RMI2: variants seen among roughly 807,000 people sequenced by gnomAD.
RMI2 encodes the protein recQ-mediated genome instability protein 2.
Under a neutral mutation model 8.4 loss-of-function variants are expected in RMI2, and 11 were observed. The observed-to-expected ratio is 1.32, with a 90% confidence interval of 0.83 to 2.18. The LOEUF is 2.18. RMI2 is among the 30% of genes most tolerant of loss of function. RMI2 has a pLI of 0.00. For missense variants in RMI2, 253 were observed against 207.5 expected, an observed-to-expected ratio of 1.22 and a Z score of -1.35; for synonymous variants, 105 against 93.8, an observed-to-expected ratio of 1.12 and a Z score of -0.69.
intron 1 of RMI2, among the ~76,000 whole-genome samples, chr16:11,346,481 G>C (rs574140760): frequency 6.6e-6 from 1 of 152,160 alleles, no homozygotes; most frequent in African/African-American, 2.4e-5. Flanking sequence ...GGCTGGTCTC[G>C]AACTCCTGGC....
rs1305746746 is a variant in RMI2, at chr16:11,349,664, TCC to T, written c.296-977_296-976del. The stretch of plus-strand genomic sequence containing the variant: ...TGGAGTTCTGAGATACTTGAGCACA[TCC>T]TGCCTGGGGTTGAACAGCAGGATCA... On this transcript the variant is annotated intron_variant, in intron 1 of 1. Transcript: ENST00000312499. This position sits in a 1 kb window ranked among gnomAD's most constrained non-coding sequence, Gnocchi z 4.2. 6.6e-6 allele frequency among the ~76,000 whole-genome samples: 1 copy of T among 152,164 alleles called. No homozygotes were observed. Among genetic ancestry groups the T allele is most frequent in the Non-Finnish European group, 1.5e-5 (1 of 68,034 alleles).
intron 1 of RMI2, among the ~76,000 whole-genome samples, chr16:11,346,882 C>T (rs766447448): frequency 2.0e-5 from 3 of 152,358 alleles, no homozygotes; most frequent in Non-Finnish European, 2.9e-5. Flanking sequence ...TGTACCACCA[C>T]GCCTGGTTTG....
intron 1 of RMI2, among the ~76,000 whole-genome samples, chr16:11,347,091 C>T (rs1429917102): frequency 2.0e-5 from 3 of 152,268 alleles, no homozygotes; most frequent in Non-Finnish European, 4.4e-5. Flanking sequence ...TGTTGTACAT[C>T]AGCCCCTCAT....
rs1337014447 is a variant in RMI2, at chr16:11,351,512, T to C, written c.*722T>C. 2 of 232,100 alleles carry C rather than the reference T, an allele frequency of 8.6e-6. No individual in the cohort carries two copies. The highest frequency in any genetic ancestry group is 1.7e-5 in the Non-Finnish European group (2 of 117,396). 14.4% of individuals were successfully genotyped at this position (232,100 alleles called of 1,614,324 possible). A position where few individuals can be genotyped will look rare whatever the true frequency, so the allele number is the denominator to read the frequency against. On this transcript the variant is annotated 3_prime_UTR_variant, in exon 2 of 2. Coordinates refer to ENST00000312499, the MANE Select transcript of RMI2 (RefSeq NM_152308.3). ...AAGATAAAGGACGCCTTTCAGGCAT[T>C]AGCTAAACTTCCACTTCATAACTTT...
chr16:11,345,517 CG>C lies in RMI2; in HGVS notation c.48del (p.Leu17PhefsTer48). The C allele has an allele frequency of 7.7e-7, 1 of 1,299,172 alleles. No homozygotes were observed. Among genetic ancestry groups the C allele is most frequent in the African/African-American group, 1.5e-5 (1 of 65,836 alleles). The allele number at this position is 1,299,172 out of a possible 1,614,324, so 80.5% of individuals were successfully genotyped here. On this transcript the variant is annotated frameshift_variant, in exon 1 of 2. Coordinates refer to ENST00000312499, the MANE Select transcript of RMI2 (RefSeq NM_152308.3). LOFTEE classifies it high-confidence loss of function. Reference sequence around the variant, plus strand: ...GTTCTCAGGCGGCCCCGCGGGGGTGCGGCTTCCGAGGTCGCCGCCACTCAAG... The same window carrying C: ...GTTCTCAGGCGGCCCCGCGGGGGTGCGCTTCCGAGGTCGCCGCCACTCAAG... Reference protein sequence around the residue: ...DSFSGGPAGVRLPRSPPLKVL... With the variant: ...DSFSGGPAGVXLPRSPPLKVL...
chr16:11,348,259 A>C (rs2070910544), intron 1 of RMI2: 1 of 152,262 alleles, frequency 6.6e-6, no homozygotes, highest in Non-Finnish European at 1.5e-5. Flanking sequence ...AAAAGCCCAA[A>C]ATATTTGTCT....
chr16:11,345,938 TTGG>T (rs3047971), intron 1 of RMI2, among the ~76,000 whole-genome samples, 172 bp downstream of exon 1: 75,747 of 135,324 alleles, frequency 0.56, 19,389 homozygotes, highest in African/African-American at 0.6. Context: ...CGGTCCCTCC[TTGG>T]TGAAGTTGAT....
intron 1 of RMI2, chr16:11,348,886 C>G (rs546467317): frequency 3.9e-5 from 6 of 152,462 alleles, no homozygotes; most frequent in African/African-American, 1.2e-4. Flanking sequence ...GGGATAGAGC[C>G]GCGTGCCTTT....
At position 11,351,527 on chromosome 16, in the gene RMI2, T is replaced by C. The variant is rs981390736; in HGVS notation, c.*737T>C. Reference sequence around the variant, plus strand: ...TTTCAGGCATTAGCTAAACTTCCACTTCATAACTTTCGGCGAGACATGGTG... The same window carrying C: ...TTTCAGGCATTAGCTAAACTTCCACCTCATAACTTTCGGCGAGACATGGTG... On this transcript the variant is annotated 3_prime_UTR_variant, in exon 2 of 2. Coordinates refer to ENST00000312499, the MANE Select transcript of RMI2 (RefSeq NM_152308.3). The C allele has an allele frequency of 4.7e-5, 11 of 232,152 alleles. No individual in the cohort carries two copies. Among genetic ancestry groups the C allele is most frequent in the Non-Finnish European group, 9.4e-5 (11 of 117,452 alleles). The allele number at this position is 232,152 out of a possible 1,614,324, so 14.4% of individuals were successfully genotyped here.
chr16:11,350,957 C>G lies in RMI2; in HGVS notation c.*167C>G. Reference sequence around the variant, plus strand: ...CCGGATGTAGGAATGTTTAAATCCTCGGATACTTCAGTGACACAGCCTCTG... The same window carrying G: ...CCGGATGTAGGAATGTTTAAATCCTGGGATACTTCAGTGACACAGCCTCTG... On this transcript the variant is annotated 3_prime_UTR_variant, in exon 2 of 2. Transcript: ENST00000312499. The G allele has an allele frequency of 1.9e-6, 1 of 529,870 alleles. No homozygotes were observed. The highest frequency in any genetic ancestry group is 3.2e-6 in the Non-Finnish European group (1 of 308,364). 32.8% of individuals were successfully genotyped at this position (529,870 alleles called of 1,614,324 possible). A position where few individuals can be genotyped will look rare whatever the true frequency, so the allele number is the denominator to read the frequency against.
In RMI2 at chr16:11,349,893, G is replaced by C. The variant is rs2070941633; in HGVS notation, c.296-749G>C. ...GGAGAGTCACTTCCCCAAGGGAATG[G>C]GAAGAGAGTCACAGTTAATACGTCA... On this transcript the variant is annotated intron_variant, in intron 1 of 1. Coordinates refer to ENST00000312499, the MANE Select transcript of RMI2 (RefSeq NM_152308.3). This position sits in a 1 kb window ranked among gnomAD's most constrained non-coding sequence, Gnocchi z 4.2. Among the ~76,000 whole-genome samples, 2 of 152,238 alleles carry C rather than the reference G, an allele frequency of 1.3e-5. No individual in the cohort carries two copies.
chr16:11,346,654 C>T (rs2070876340), intron 1 of RMI2, among the ~76,000 whole-genome samples: 1 of 152,220 alleles, frequency 6.6e-6, no homozygotes, highest in Non-Finnish European at 1.5e-5. Context: ...GGGCTCCACC[C>T]TCAGGGTTTG....
Position 11,345,671 on chromosome 16 carries a change from C to T in RMI2, c.200C>T (p.Ala67Val), listed in dbSNP as rs772353359. ...TGGATGCAGGGCAGGGTAGTGATGG[C>T]GGACCGCGGCGAGGCTCGGCTGAGG... Reference protein sequence around the residue: ...AVWMQGRVVMADRGEARLRDP... With the variant: ...AVWMQGRVVMVDRGEARLRDP... Residue 67 changes from alanine to valine, a missense_variant, in exon 1 of 2, where the codon GCG becomes GTG. Physicochemically the swap from Ala to Val is moderately conservative, Grantham distance 64. Coordinates refer to ENST00000312499, the MANE Select transcript of RMI2 (RefSeq NM_152308.3). The T allele has an allele frequency of 3.1e-6, 4 of 1,269,872 alleles. No individual in the cohort carries two copies. The highest frequency in any genetic ancestry group is 3.6e-5 in the South Asian group (1 of 27,948). The allele number at this position is 1,269,872 out of a possible 1,614,324, so 78.7% of individuals were successfully genotyped here.
At chr16:11,346,434 AT>A (rs1183460853) in intron 1 of RMI2, among the ~76,000 whole-genome samples, 2 of 151,610 alleles carry the variant, frequency 1.3e-5, no homozygotes, top group Admixed American at 6.6e-5. Flanking sequence ...TAATTTTTGT[AT>A]TTTTTAGCAG....
intron 1 of RMI2, among the ~76,000 whole-genome samples, chr16:11,347,100 A>G (rs1042035595): frequency 6.6e-6 from 1 of 152,228 alleles, no homozygotes; most frequent in Non-Finnish European, 1.5e-5. Flanking sequence ...TCAGCCCCTC[A>G]TGTGCAGTGT....
chr16:11,345,794 T>A, intron 1 of RMI2, 28 bp downstream of exon 1: 1 of 1,228,030 alleles, frequency 8.1e-7, no homozygotes, highest in Non-Finnish European at 1.0e-6. Context: ...CCGGGCGCCC[T>A]CTTCCCTGCT....
chr16:11,348,937 C>T (rs750494202), intron 1 of RMI2: 1 of 152,428 alleles, frequency 6.6e-6, no homozygotes, highest in African/African-American at 2.4e-5. Flanking sequence ...AGGGCTCTAT[C>T]CTGATGAGCC....
chr16:11,346,185 G>C (rs576935238), intron 1 of RMI2, among the ~76,000 whole-genome samples: 23 of 152,016 alleles, frequency 1.5e-4, no homozygotes, highest in Non-Finnish European at 2.8e-4. Flanking sequence ...CCCTAGGAAC[G>C]GGAGACCCTC....
chr16:11,350,571 C>G (rs1257322586), intron 1 of RMI2, 71 bp from the exon 2 acceptor site: 1 of 1,320,306 alleles, frequency 7.6e-7, no homozygotes, highest in Non-Finnish European at 1.0e-6. Context: ...GCCTGGGCGA[C>G]ATAGCAAGAC....
Sources: allele counts gnomAD v4.1 joint callset (sites outside exome capture counted in the v4.1 genomes callset), GRCh38; gene constraint gnomAD v4.1.1; non-coding constraint Gnocchi (gnomAD v3.1); transcripts MANE v1.5; gene names NCBI Gene and HGNC (gene_info 2026-07-23, HGNC 2026-07-21).